The following ABHD17C variants were observed in gnomAD, a reference collection of about 807,000 sequenced individuals.
The protein encoded by ABHD17C is alpha/beta hydrolase domain-containing protein 17C.
A neutral mutation model predicts 27.9 loss-of-function variants in ABHD17C; 11 were observed. The ratio of observed to expected loss-of-function variants is 0.39; its 90% CI spans 0.25 to 0.65. The LOEUF (loss-of-function observed/expected upper bound fraction) is 0.65, where lower values mean the gene tolerates loss of function less well. Ranked by LOEUF, ABHD17C falls within the 30% of genes least tolerant of loss-of-function variation. ABHD17C has a pLI of 0.45. For synonymous variants in ABHD17C, 233 were observed against 209.1 expected (o/e 1.11, Z -0.98); for missense variants, 280 against 470.2 (o/e 0.60, Z 3.74).
intron 1 of ABHD17C, among the ~76,000 whole-genome samples, chr15:80,733,211 A>G (rs1039076536): frequency 2.0e-5 from 3 of 152,002 alleles, no homozygotes; most frequent in African/African-American, 4.8e-5. Context: ...CGACCTCCTC[A>G]TGGTCATGAC....
At chr15:80,742,125 G>A (rs1297279928) in intron 1 of ABHD17C, among the ~76,000 whole-genome samples, 3 of 152,160 alleles carry the variant, frequency 2.0e-5, no homozygotes, top group Non-Finnish European at 4.4e-5. Flanking sequence ...ATCTGGTGGG[G>A]GGACTCTACT....
chr15:80,749,401 G>GT (rs991589950), intron 1 of ABHD17C, 112 bp from the exon 2 acceptor site: 12 of 1,117,836 alleles, frequency 1.1e-5, no homozygotes, highest in African/African-American at 1.6e-5. Flanking sequence ...AGATGATATG[G>GT]TTTTAAGCTG....
At chr15:80,722,316 G>T (rs1894907710) in intron 1 of ABHD17C, among the ~76,000 whole-genome samples, 2 of 147,892 alleles carry the variant, frequency 1.4e-5, no homozygotes, top group Non-Finnish European at 3.0e-5. Flanking sequence ...AGAAGCCAAA[G>T]GAATCTTTTT....
intron 1 of ABHD17C, among the ~76,000 whole-genome samples, chr15:80,731,829 G>A (rs77707499): frequency 0.036 from 5,444 of 152,220 alleles, 338 homozygotes; most frequent in African/African-American, 0.12. Flanking sequence ...GCATGAGCCA[G>A]ATTTAGGAGG....
chr15:80,715,735 G>A (rs1212458478), intron 1 of ABHD17C, among the ~76,000 whole-genome samples: 1 of 152,194 alleles, frequency 6.6e-6, no homozygotes, highest in African/African-American at 2.4e-5. Context: ...TGGCTGTTAA[G>A]TAGTGAGTGC....
At chr15:80,706,928 T>C (rs979366060) in intron 1 of ABHD17C, among the ~76,000 whole-genome samples, 1 of 152,248 alleles carries the variant, frequency 6.6e-6, no homozygotes, top group African/African-American at 2.4e-5. Flanking sequence ...TTAATTTTAA[T>C]GTAACTATTA....
At chr15:80,711,364 G>C (rs1374330495) in intron 1 of ABHD17C, among the ~76,000 whole-genome samples, 2 of 152,202 alleles carry the variant, frequency 1.3e-5, no homozygotes, top group Non-Finnish European at 2.9e-5. Flanking sequence ...TGGCTGGAGA[G>C]TGATCGCTCA....
In ABHD17C at chr15:80,749,520, G is replaced by T; in HGVS notation, c.598G>T (p.Val200Leu). The T allele has an allele frequency of 6.2e-7, 1 of 1,613,652 alleles. No individual in the cohort carries two copies. The highest frequency in any genetic ancestry group is 8.5e-7 in the Non-Finnish European group (1 of 1,179,728). Reference sequence around the variant, plus strand: ...AACCTCTGATTTCTCCAGGTATGGCGTGAGTCCCGAGAACATTATCCTCTA... The same window carrying T: ...AACCTCTGATTTCTCCAGGTATGGCTTGAGTCCCGAGAACATTATCCTCTA... ...AWQALRTRYG[V>L]SPENIILYGQ... is the part of the protein sequence containing the mutation. The change falls in exon 2 of 3, where the codon GTG becomes TTG. Residue 200 changes from valine (V) to leucine (L), a missense_variant. Transcript: ENST00000258884.
chr15:80,708,655 T>C (rs1894683005), intron 1 of ABHD17C, among the ~76,000 whole-genome samples: 1 of 152,220 alleles, frequency 6.6e-6, no homozygotes, highest in South Asian at 2.1e-4. Context: ...GGGGGCAGGC[T>C]TAACTCTGCG....
Position 80,729,560 on chromosome 15 carries a change from T to TG in ABHD17C, c.591-19952dup, listed in dbSNP as rs1895028273. Among the ~76,000 whole-genome samples the TG allele has an allele frequency of 5.3e-5, 8 of 152,052 alleles. No homozygotes were observed. The South Asian group carries it at 1.7e-3, about 31-fold the overall frequency. On this transcript the variant is annotated intron_variant, in intron 1 of 2. Coordinates refer to ENST00000258884, the MANE Select transcript of ABHD17C (RefSeq NM_021214.2). ...ATTCTGATTGCTTTCAAGTTTTGGG[T>TG]GAAAAAAAACAGTTCTTGACTACCT...
At chr15:80,753,029 T>TG (rs1388904419) in intron 2 of ABHD17C, among the ~76,000 whole-genome samples, 1 of 152,190 alleles carries the variant, frequency 6.6e-6, no homozygotes, top group Non-Finnish European at 1.5e-5. Context: ...ACAAGGCACT[T>TG]GCTTTTATGA....
At position 80,695,385 on chromosome 15, in the gene ABHD17C, A is replaced by T. The variant is rs1260945981; in HGVS notation, c.-45A>T. 8.7e-7 allele frequency: 1 copy of T among 1,154,386 alleles called. No homozygotes were observed. Among genetic ancestry groups the T allele is most frequent in the South Asian group, 2.6e-5 (1 of 37,798 alleles). 71.5% of individuals were successfully genotyped at this position (1,154,386 alleles called of 1,614,324 possible). ...CGTCCTCCGTCCTCCCGGGCCAGCC[A>T]GCCAGCCAGCCAGCCGGGCCGGCGG... On this transcript the variant is annotated 5_prime_UTR_variant, in exon 1 of 3. Coordinates refer to ENST00000258884, the MANE Select transcript of ABHD17C (RefSeq NM_021214.2). This position sits in a 1 kb window ranked among gnomAD's most constrained non-coding sequence, Gnocchi z 4.3.
At chr15:80,744,815 A>G (rs929503968) in intron 1 of ABHD17C, among the ~76,000 whole-genome samples, 9 of 152,216 alleles carry the variant, frequency 5.9e-5, no homozygotes, top group Admixed American at 3.9e-4. Flanking sequence ...TCCCTTTTCC[A>G]TGTAAAGATT....
chr15:80,698,400 T>A (rs1894527093), intron 1 of ABHD17C, among the ~76,000 whole-genome samples: 1 of 152,102 alleles, frequency 6.6e-6, no homozygotes, highest in African/African-American at 2.4e-5. Flanking sequence ...AAAAGATGGT[T>A]GTGAATTGCT....
At chr15:80,735,702 G>C (rs1174816279) in intron 1 of ABHD17C, among the ~76,000 whole-genome samples, 4 of 152,104 alleles carry the variant, frequency 2.6e-5, no homozygotes, top group Non-Finnish European at 5.9e-5. Flanking sequence ...CATTGGCTTT[G>C]AGCTCCACCT....
chr15:80,713,382 T>TTTTTTTTC (rs1567032390), intron 1 of ABHD17C, among the ~76,000 whole-genome samples: 1 of 95,964 alleles, frequency 1.0e-5, no homozygotes, highest in Non-Finnish European at 2.5e-5. Context: ...TTTTTTTTTT[T>TTTTTTTTC]CAAAATCAGC....
intron 1 of ABHD17C, among the ~76,000 whole-genome samples, chr15:80,730,305 C>G (rs13380029): frequency 0.22 from 33,215 of 152,150 alleles, 4,128 homozygotes; most frequent in South Asian, 0.3. Flanking sequence ...GTTCCCCGTC[C>G]TGCATAGCCC....
At chr15:80,705,333 T>TTGTGTGTGTGTG (rs1555421862) in intron 1 of ABHD17C, among the ~76,000 whole-genome samples, 7,326 of 106,824 alleles carry the variant, frequency 0.069, 598 homozygotes, top group African/African-American at 0.18. Flanking sequence ...TTCCTATGAT[T>TTGTGTGTGTGTG]TGTGTGTGTG....
At chr15:80,696,071 T>C in intron 1 of ABHD17C, 52 bp downstream of exon 1, 1 of 1,487,922 alleles carries the variant, frequency 6.7e-7, no homozygotes. Flanking sequence ...GGAGGCGGGG[T>C]GGGGGTCTCT....
Sources: gnomAD v4.1 joint callset for allele counts (sites outside exome capture counted in the v4.1 genomes callset) on GRCh38, gnomAD v4.1.1 for gene constraint, Gnocchi (gnomAD v3.1) non-coding constraint, MANE v1.5 for transcripts, NCBI Gene and HGNC (gene_info 2026-07-23, HGNC 2026-07-21) for gene names.